B3GALT1: variants seen among roughly 807,000 people sequenced by gnomAD.
B3GALT1 encodes the protein UDP-Gal:betaGlcNAc beta 1,3-galactosyltransferase, polypeptide 1.
Under a neutral mutation model 23.2 loss-of-function variants are expected in B3GALT1, and 10 were observed. The observed-to-expected ratio is 0.43, with a 90% CI of 0.27 to 0.73. The LOEUF (loss-of-function observed/expected upper bound fraction) is 0.73, where lower values mean the gene tolerates loss of function less well. Ranked by LOEUF, B3GALT1 falls within the 30% of genes least tolerant of loss-of-function variation. The pLI is 0.21. For missense variants in B3GALT1, 299 were observed against 405.4 expected (o/e 0.74, Z 2.25); for synonymous variants, 156 against 141.5 (o/e 1.10, Z -0.73).
intron 3 of B3GALT1, among the ~76,000 whole-genome samples, chr2:167,724,877 G>C (rs774424391): frequency 4.6e-5 from 7 of 152,180 alleles, no homozygotes; most frequent in Non-Finnish European, 8.8e-5. Flanking sequence ...TAGTATCAGA[G>C]ACCTACAGGT....
intron 3 of B3GALT1, among the ~76,000 whole-genome samples, chr2:167,810,277 A>C (rs1164150442): frequency 6.6e-6 from 1 of 150,598 alleles, no homozygotes; most frequent in Non-Finnish European, 1.5e-5. Flanking sequence ...AGTGCACTGC[A>C]CCCACTGTCC....
At chr2:167,848,341 TAAC>T (rs1689805136) in intron 4 of B3GALT1, among the ~76,000 whole-genome samples, 1 of 152,072 alleles carries the variant, frequency 6.6e-6, no homozygotes, top group African/African-American at 2.4e-5. Context: ...CTAAAATCCT[TAAC>T]AAAATACTAG....
At chr2:167,508,003 T>A (rs973813570) in intron 2 of B3GALT1, among the ~76,000 whole-genome samples, 1 of 152,092 alleles carries the variant, frequency 6.6e-6, no homozygotes, top group Middle Eastern at 3.2e-3. Context: ...ACTGCCGACT[T>A]CTCTTTGTGT....
At chr2:167,393,124 C>A (rs1026496605) in intron 1 of B3GALT1, among the ~76,000 whole-genome samples, 6 of 151,826 alleles carry the variant, frequency 4.0e-5, no homozygotes, top group African/African-American at 1.5e-4. Context: ...GTCCCAGCTG[C>A]TTGGGAGGCT....
chr2:167,811,209 C>G (rs1027723535), intron 3 of B3GALT1, among the ~76,000 whole-genome samples: 4 of 152,158 alleles, frequency 2.6e-5, no homozygotes, highest in Admixed American at 2.6e-4. Context: ...ACATTCAGAT[C>G]AAGTTCTTTG....
intron 3 of B3GALT1, among the ~76,000 whole-genome samples, chr2:167,674,767 A>T (rs1172593453): frequency 6.6e-6 from 1 of 152,186 alleles, no homozygotes; most frequent in African/African-American, 2.4e-5. Flanking sequence ...AGAAATACAA[A>T]TTTTTTTAAG....
intron 1 of B3GALT1, among the ~76,000 whole-genome samples, chr2:167,316,545 C>T (rs1347698487): frequency 1.3e-5 from 2 of 152,144 alleles, no homozygotes; most frequent in African/African-American, 4.8e-5. Context: ...CACTCTCCAA[C>T]TGAGGGCTTT....
chr2:167,579,448 C>CTTTTTTTTTTTTTTTTTTTTTTT (rs1558913471), intron 2 of B3GALT1, among the ~76,000 whole-genome samples: 2 of 113,324 alleles, frequency 1.8e-5, no homozygotes, highest in Middle Eastern at 4.9e-3. Context: ...TTTTTTTTTT[C>CTTTTTTTTTTTTTTTTTTTTTTT]CATTTAAATT....
chr2:167,670,726 A>G (rs912522653), intron 3 of B3GALT1, among the ~76,000 whole-genome samples: 21 of 152,304 alleles, frequency 1.4e-4, no homozygotes, highest in African/African-American at 4.8e-4. Flanking sequence ...AACCAAACAG[A>G]AATTCTGAAG....
At chr2:167,306,971 A>G (rs1696561480) in intron 1 of B3GALT1, among the ~76,000 whole-genome samples, 1 of 152,076 alleles carries the variant, frequency 6.6e-6, no homozygotes, top group African/African-American at 2.4e-5. Flanking sequence ...AAAAAAGGCA[A>G]TTATGATCAT....
At chr2:167,469,617 A>T (rs962350671) in intron 1 of B3GALT1, among the ~76,000 whole-genome samples, 12 of 152,210 alleles carry the variant, frequency 7.9e-5, no homozygotes, top group Admixed American at 6.5e-4. Flanking sequence ...TAGTAATAGT[A>T]CTGAAAATGT....
At chr2:167,660,297 A>G (rs1686033949) in intron 3 of B3GALT1, among the ~76,000 whole-genome samples, 1 of 152,002 alleles carries the variant, frequency 6.6e-6, no homozygotes, top group African/African-American at 2.4e-5. Flanking sequence ...GTGGCTCTCC[A>G]CTTTATGGAA....
chr2:167,441,097 T>G (rs1435010439), intron 1 of B3GALT1, among the ~76,000 whole-genome samples: 2 of 152,188 alleles, frequency 1.3e-5, no homozygotes, highest in Non-Finnish European at 2.9e-5. Context: ...GATTATAGAT[T>G]CCCTGGCTGT....
At chr2:167,587,059 A>G (rs1684595452) in intron 2 of B3GALT1, among the ~76,000 whole-genome samples, 1 of 152,276 alleles carries the variant, frequency 6.6e-6, no homozygotes, top group Middle Eastern at 3.4e-3. Context: ...TCTAGAGCTT[A>G]TTTTAACCCC....
At chr2:167,447,938 C>T (rs902914370) in intron 1 of B3GALT1, among the ~76,000 whole-genome samples, 2 of 152,160 alleles carry the variant, frequency 1.3e-5, no homozygotes, top group Non-Finnish European at 2.9e-5. Context: ...TTCTGCGTCG[C>T]TCATACTGGG....
At chr2:167,298,969 C>T (rs1696402459) in intron 1 of B3GALT1, among the ~76,000 whole-genome samples, 1 of 151,700 alleles carries the variant, frequency 6.6e-6, no homozygotes, top group Non-Finnish European at 1.5e-5. Flanking sequence ...TCTTGGTTCT[C>T]AAAGAAAAGA....
chr2:167,679,711 A>G (rs1421105329), intron 3 of B3GALT1, among the ~76,000 whole-genome samples: 1 of 152,226 alleles, frequency 6.6e-6, no homozygotes, highest in Non-Finnish European at 1.5e-5. Flanking sequence ...AAAGTCACCC[A>G]TCATCTCTGA....
intron 1 of B3GALT1, among the ~76,000 whole-genome samples, chr2:167,474,053 C>T (rs1421727897): frequency 6.6e-6 from 1 of 152,110 alleles, no homozygotes; most frequent in Non-Finnish European, 1.5e-5. Flanking sequence ...GGCTTTTAAG[C>T]TGACTCTAAG....
chr2:167,443,194 G>A (rs1159312387), intron 1 of B3GALT1, among the ~76,000 whole-genome samples: 3 of 151,702 alleles, frequency 2.0e-5, no homozygotes, highest in Middle Eastern at 3.2e-3. Context: ...TAGATATGCG[G>A]CGTTATTTCT....
Sources: gnomAD v4.1 joint callset for allele counts (sites outside exome capture counted in the v4.1 genomes callset) on GRCh38, gnomAD v4.1.1 for gene constraint, MANE v1.5 for transcripts, NCBI Gene and HGNC (gene_info 2026-07-23, HGNC 2026-07-21) for gene names.